The following TRIM62 variants were observed in gnomAD, a reference collection of about 807,000 sequenced individuals.
TRIM62 encodes the protein tripartite motif containing 62.
TRIM62 carries 39 observed loss-of-function variants against 44.2 expected under a neutral mutation model. The ratio of observed to expected loss-of-function variants is 0.88; its 90% CI spans 0.68 to 1.15. The LOEUF is 1.15. Ranked by LOEUF, TRIM62 falls within the 50% of genes most tolerant of loss-of-function variation. The pLI is 0.00. For synonymous variants in TRIM62, 278 were observed against 292.3 expected, an observed-to-expected ratio of 0.95 and a Z score of 0.50; for missense variants, 544 against 665.5, an observed-to-expected ratio of 0.82 and a Z score of 2.01.
At chr1:33,156,105 T>C (rs1645174842) in intron 4 of TRIM62, among the ~76,000 whole-genome samples, 1 of 152,214 alleles carries the variant, frequency 6.6e-6, no homozygotes, top group Admixed American at 6.5e-5. Flanking sequence ...CTCTCAGCCA[T>C]GCAGCAGATC....
intron 4 of TRIM62, among the ~76,000 whole-genome samples, chr1:33,155,825 T>C (rs1303807064): frequency 1.3e-5 from 2 of 152,252 alleles, no homozygotes; most frequent in African/African-American, 4.8e-5. Flanking sequence ...GGGGGGGATC[T>C]GTGATTTTGG....
chr1:33,165,100 T>G lies in TRIM62; in HGVS notation c.504+371A>C. On this transcript the variant is annotated intron_variant, in intron 2 of 4. Transcript: ENST00000291416. The surrounding 1 kb of genome is among the most constrained non-coding windows in gnomAD (Gnocchi z 4.0). ...TGTCACAACACCAGGGTTGGGCGGTTTTAATAAGGGGAGAGGAGAAAGAGA... is the reference window on the plus strand; with the variant it reads ...TGTCACAACACCAGGGTTGGGCGGTGTTAATAAGGGGAGAGGAGAAAGAGA... 5.9e-6 allele frequency: 1 copy of G among 169,900 alleles called. No homozygotes were observed. The highest frequency in any genetic ancestry group is 1.6e-4 in the East Asian group (1 of 6,100). 10.5% of individuals were successfully genotyped at this position (169,900 alleles called of 1,614,324 possible).
At chr1:33,153,657 G>C in intron 4 of TRIM62, among the ~76,000 whole-genome samples, 1 of 152,276 alleles carries the variant, frequency 6.6e-6, no homozygotes, top group East Asian at 1.9e-4. Flanking sequence ...CCTTATGAGG[G>C]AGTTGAGAAG....
chr1:33,174,542 T>G (rs1645398697), intron 1 of TRIM62, among the ~76,000 whole-genome samples: 1 of 152,094 alleles, frequency 6.6e-6, no homozygotes, highest in African/African-American at 2.4e-5. Flanking sequence ...GAGATCCATC[T>G]CATAGGGTTA....
chr1:33,147,669 G>C lies in TRIM62; in HGVS notation c.936C>G (p.Asp312Glu). 3 of 1,613,860 alleles carry C rather than the reference G, an allele frequency of 1.9e-6. No homozygotes were observed. The highest frequency in any genetic ancestry group is 2.5e-6 in the Non-Finnish European group (3 of 1,180,024). Residue 312 changes from aspartate to glutamate, a missense_variant, in exon 5 of 5, where the codon GAC (aspartate) becomes GAG (glutamate). By Grantham distance (45) the Asp-to-Glu change is conservative. Transcript: ENST00000291416. The surrounding 1 kb of genome is among the most constrained non-coding windows in gnomAD (Gnocchi z 8.1). ...TGCCGTAAGCCACAATGGTGCAGTC[G>C]TCCGACAGGATCAGGCGCTGGTGGG... is the stretch of plus-strand genomic sequence containing the variant. ...GTAHQRLILS[D>E]DCTIVAYGNL...
rs544267782 is a variant in TRIM62, at chr1:33,167,141, A to G, written c.409-1575T>C. Among the ~76,000 whole-genome samples the G allele has an allele frequency of 2.8e-4, 43 of 152,238 alleles. No individual in the cohort carries two copies. Among genetic ancestry groups the G allele is most frequent in the Non-Finnish European group, 4.0e-4 (27 of 68,016 alleles). On this transcript the variant is annotated intron_variant, in intron 1 of 4. Coordinates refer to ENST00000291416, the MANE Select transcript of TRIM62 (RefSeq NM_018207.3). The surrounding 1 kb of genome is among the most constrained non-coding windows in gnomAD (Gnocchi z 4.2). ...TTTCTCACGGTGACTCCTTTGTACC[A>G]TTAATTTAACTCAGATGCCACCTCC...
rs1289643377 is a variant in TRIM62, at chr1:33,146,409, G to A, written c.*768C>T. 1 of 160,546 alleles carries A rather than the reference G, an allele frequency of 6.2e-6. No individual in the cohort carries two copies. The highest frequency in any genetic ancestry group is 2.4e-5 in the African/African-American group (1 of 41,532). 9.9% of individuals were successfully genotyped at this position (160,546 alleles called of 1,614,324 possible). ...AGGGTTGGCTGGACTCTTGTTCAGA[G>A]CTACTGGGGACCTCGATCATCCAGG... On this transcript the variant is annotated 3_prime_UTR_variant, in exon 5 of 5. Coordinates refer to ENST00000291416, the MANE Select transcript of TRIM62 (RefSeq NM_018207.3).
rs118002947 is a variant in TRIM62, at chr1:33,170,104, T to C, written c.409-4538A>G. On this transcript the variant is annotated intron_variant, in intron 1 of 4. Transcript: ENST00000291416. The stretch of plus-strand genomic sequence containing the variant: ...TTTGGGAGGCTGAGGCTGAGACCTT[T>C]GGATCACCTAAGGTCAGAAGTTCAA... Among the ~76,000 whole-genome samples, 356 of 152,234 alleles carry C rather than the reference T, an allele frequency of 2.3e-3. 2 individuals are homozygous for C. The East Asian group carries it at 0.025, about 11-fold the overall frequency.
At chr1:33,151,882 G>A (rs952302866) in intron 4 of TRIM62, among the ~76,000 whole-genome samples, 2 of 152,254 alleles carry the variant, frequency 1.3e-5, no homozygotes, top group Non-Finnish European at 2.9e-5. Flanking sequence ...CAGCACAGCT[G>A]CTTGGCAGTG....
chr1:33,166,611 C>T (rs1645329719), intron 1 of TRIM62, among the ~76,000 whole-genome samples: 2 of 151,992 alleles, frequency 1.3e-5, no homozygotes, highest in African/African-American at 4.8e-5. Flanking sequence ...AGAAACTGGC[C>T]CCATAGCATA....
At chr1:33,170,285 C>T (rs1223597104) in intron 1 of TRIM62, among the ~76,000 whole-genome samples, 1 of 150,922 alleles carries the variant, frequency 6.6e-6, no homozygotes. Flanking sequence ...GATCGTGCCA[C>T]TGCACTCCAG....
chr1:33,172,298 G>A (rs1282522882), intron 1 of TRIM62, among the ~76,000 whole-genome samples: 1 of 152,216 alleles, frequency 6.6e-6, no homozygotes, highest in Non-Finnish European at 1.5e-5. Flanking sequence ...GAAGATGGAT[G>A]GCCAGGGTTC....
rs1486567560 is a variant in TRIM62 at position 33,181,607 on chromosome 1, G to T, written c.-175C>A. 1.3e-5 allele frequency: 16 copies of T among 1,242,668 alleles called. No homozygotes were observed. In the Admixed American group the frequency reaches 4.9e-4, roughly 38 times the overall value. The allele number at this position is 1,242,668 out of a possible 1,614,324, so 77.0% of individuals were successfully genotyped here. A position where few individuals can be genotyped will look rare whatever the true frequency, so the allele number is the denominator to read the frequency against. On this transcript the variant is annotated 5_prime_UTR_variant, in exon 1 of 5. Transcript: ENST00000291416. The surrounding 1 kb of genome is among the most constrained non-coding windows in gnomAD (Gnocchi z 6.5). ...TCCGGAAGGAGGGTAACGCGAGGAA[G>T]GGGTGCGCGGCTGAGACTCCGTGGG...
Position 33,161,350 on chromosome 1 carries a change from G to A in TRIM62, c.505-1406C>T, listed in dbSNP as rs527470519. Among the ~76,000 whole-genome samples the A allele has an allele frequency of 7.9e-5, 12 of 152,150 alleles. No individual in the cohort carries two copies. Among genetic ancestry groups the A allele is most frequent in the African/African-American group, 9.7e-5 (4 of 41,438 alleles). On this transcript the variant is annotated intron_variant, in intron 2 of 4. Transcript: ENST00000291416. The surrounding 1 kb of genome is among the most constrained non-coding windows in gnomAD (Gnocchi z 4.3). ...AGGACGACACGGGCTATAGAAGTGC[G>A]GCCAGGCTGCAGCAGCATGTGGGGC...
intron 4 of TRIM62, among the ~76,000 whole-genome samples, chr1:33,154,183 G>A (rs548345063): frequency 3.3e-5 from 5 of 152,230 alleles, no homozygotes; most frequent in Non-Finnish European, 5.9e-5. Flanking sequence ...AAGATGGGCC[G>A]GGTGTGGTGG....
rs1336564148 is a variant in TRIM62, at chr1:33,181,034, G to T, written c.399C>A (p.Asp133Glu). 3 of 1,584,630 alleles carry T rather than the reference G, an allele frequency of 1.9e-6. No individual in the cohort carries two copies. The highest frequency in any genetic ancestry group is 1.4e-5 in the African/African-American group (1 of 72,854). ...HQVTGIDDAF[D>E]ELQRELKDQL... is the part of the protein sequence containing the mutation. The stretch of plus-strand genomic sequence containing the variant: ...AGGCCGGGTAGCGCACCTGCAGCTC[G>T]TCGAAGGCGTCGTCGATGCCGGTGA... The change falls in exon 1 of 5, where the codon GAC becomes GAA. Residue 133 changes from aspartate (D) to glutamate (E), a missense_variant. Asp to Glu is a conservative substitution (Grantham distance 45, BLOSUM62 2). Transcript: ENST00000291416. This position sits in a 1 kb window ranked among gnomAD's most constrained non-coding sequence, Gnocchi z 6.5.
chr1:33,151,266 C>T (rs976641804), intron 4 of TRIM62, among the ~76,000 whole-genome samples: 21 of 152,064 alleles, frequency 1.4e-4, no homozygotes, highest in Non-Finnish European at 2.2e-4. Flanking sequence ...AGGATGGGTA[C>T]AGGGCCTGCC....
Position 33,177,394 on chromosome 1 carries a change from G to A in TRIM62, c.408+3631C>T, listed in dbSNP as rs981583245. On this transcript the variant is annotated intron_variant, in intron 1 of 4. Transcript: ENST00000291416. This position sits in a 1 kb window ranked among gnomAD's most constrained non-coding sequence, Gnocchi z 4.1. ...CTTCCCAGGAACATCATATCCTCTT[G>A]TTATAGATGAACCTTAGAGAAGGAG... Among the ~76,000 whole-genome samples, 7 of 152,122 alleles carry A rather than the reference G, an allele frequency of 4.6e-5. No homozygotes were observed. The highest frequency in any genetic ancestry group is 1.7e-4 in the African/African-American group (7 of 41,398).
chr1:33,158,351 T>A lies in TRIM62; in HGVS notation c.779A>T (p.His260Leu), dbSNP rs768847152. The change falls in exon 4 of 5, where the codon CAT becomes CTT. Residue 260 changes from histidine (H) to leucine (L), a missense_variant. Coordinates refer to ENST00000291416, the MANE Select transcript of TRIM62 (RefSeq NM_018207.3). ...GTCTTCATATGTGAGGTTGGTCTCA[T>A]GGATTTTTCCCTTGAGCCTGGAAGG... ...SLSERLKGKI[H>L]ETNLTYEDFP... The A allele has an allele frequency of 1.7e-5, 27 of 1,613,536 alleles. No individual in the cohort carries two copies. The highest frequency in any genetic ancestry group is 1.9e-5 in the Non-Finnish European group (23 of 1,179,692).
Sources: allele counts gnomAD v4.1 joint callset (sites outside exome capture counted in the v4.1 genomes callset), GRCh38; gene constraint gnomAD v4.1.1; non-coding constraint Gnocchi (gnomAD v3.1); transcripts MANE v1.5; gene names NCBI Gene and HGNC (gene_info 2026-07-23, HGNC 2026-07-21).